CYBA: variants seen among roughly 807,000 people sequenced by gnomAD.
CYBA encodes cytochrome b-245 light chain.
Under a neutral mutation model 20.8 loss-of-function variants are expected in CYBA, and 21 were observed. The ratio of observed to expected loss-of-function variants is 1.01; its 90% CI spans 0.72 to 1.46. The LOEUF is 1.46. Among genes scored for constraint, CYBA ranks in the 40% most tolerant of loss-of-function variants. The pLI is 0.00. For synonymous variants in CYBA, 164 were observed against 127.5 expected (o/e 1.29, Z -1.93); for missense variants, 344 against 287.0 (o/e 1.20, Z -1.43).
rs553031261 is a variant in CYBA at position 88,645,194 on chromosome 16, G to T, written c.369+922C>A. 4.3e-6 allele frequency: 3 copies of T among 702,250 alleles called. No homozygotes were observed. The African/African-American group carries it at 5.2e-5, about 12-fold the overall frequency. The allele number at this position is 702,250 out of a possible 1,614,324, so 43.5% of individuals were successfully genotyped here. The stretch of plus-strand genomic sequence containing the variant: ...GCTGTGCGTGGCAGCAGGGAGACGG[G>T]GGGGATGCGGGTGGCCCCCGGAAAA... On this transcript the variant is annotated intron_variant, in intron 5 of 5. Transcript: ENST00000261623.
intron 5 of CYBA, chr16:88,645,823 C>G (rs1907256141): frequency 7.2e-6 from 4 of 557,868 alleles, no homozygotes; most frequent in African/African-American, 5.6e-5. Flanking sequence ...CAGCACCTCC[C>G]TGAGCCTCCG....
At chr16:88,648,308 C>T (rs543852457) in intron 1 of CYBA, among the ~76,000 whole-genome samples, 194 bp from the exon 2 acceptor site, 6 of 152,326 alleles carry the variant, frequency 3.9e-5, no homozygotes, top group African/African-American at 9.6e-5. Flanking sequence ...CTGTGGCGCA[C>T]GGGCTGGCGG....
chr16:88,645,953 GCT>G (rs1907260961), intron 5 of CYBA, 161 bp downstream of exon 5: 1 of 634,452 alleles, frequency 1.6e-6, no homozygotes, highest in Non-Finnish European at 2.8e-6. Flanking sequence ...AGCAGCAACC[GCT>G]GCGTCCCCGC....
chr16:88,645,254 G>A (rs1433404405), intron 5 of CYBA: 2 of 702,334 alleles, frequency 2.8e-6, no homozygotes, highest in Non-Finnish European at 5.2e-6. Flanking sequence ...TTGGCAACAG[G>A]AAGGGGTTCT....
Position 88,646,820 on chromosome 16 carries a change from G to A in CYBA, c.222C>T (p.Thr74=), listed in dbSNP as rs775908190. Residue 74 remains threonine, a synonymous_variant, in exon 4 of 6, where the codon ACC becomes ACT. Transcript: ENST00000261623. ...TMERWGQKYM[T]AVVKLFGPFT... is the part of the protein sequence containing the mutation. ...AGGGCCCGAACAGCTTCACCACGGC[G>A]GTCATGTACTTCTGTCCCCTGGGGG... 9.9e-6 allele frequency: 16 copies of A among 1,613,738 alleles called. No homozygotes were observed. Among genetic ancestry groups the A allele is most frequent in the South Asian group, 6.6e-5 (6 of 91,084 alleles).
intron 1 of CYBA, among the ~76,000 whole-genome samples, chr16:88,649,077 ATG>A (rs879407686): frequency 0.11 from 17,245 of 151,372 alleles, 1,023 homozygotes; most frequent in South Asian, 0.16. Flanking sequence ...AGCTGGGACT[ATG>A]CGCGCCTGCC....
chr16:88,649,489 C>A (rs931581680), intron 1 of CYBA, among the ~76,000 whole-genome samples: 1 of 152,220 alleles, frequency 6.6e-6, no homozygotes, highest in Non-Finnish European at 1.5e-5. Flanking sequence ...TGGCACCCAG[C>A]CACATTTACA....
At position 88,643,318 on chromosome 16, in the gene CYBA, G is replaced by A. The variant is rs1263969305; in HGVS notation, c.*35C>T. The A allele has an allele frequency of 1.4e-6, 2 of 1,418,506 alleles. No individual in the cohort carries two copies. The highest frequency in any genetic ancestry group is 4.8e-5 in the Admixed American group (2 of 41,440). The allele number at this position is 1,418,506 out of a possible 1,614,324, so 87.9% of individuals were successfully genotyped here. A position where few individuals can be genotyped will look rare whatever the true frequency, so the allele number is the denominator to read the frequency against. The stretch of plus-strand genomic sequence containing the variant: ...GGCTTCGCTGCATTTATTGCAGGTG[G>A]GTGCACCTGGCGGGAGGGCAGGTCC... On this transcript the variant is annotated 3_prime_UTR_variant, in exon 6 of 6. Transcript: ENST00000261623. The surrounding 1 kb of genome is among the most constrained non-coding windows in gnomAD (Gnocchi z 4.3).
rs1907510748 is a variant in CYBA, at chr16:88,651,026, C to T, written c.-13G>A. On this transcript the variant is annotated 5_prime_UTR_variant, in exon 1 of 6. Coordinates refer to ENST00000261623, the MANE Select transcript of CYBA (RefSeq NM_000101.4). ...CGATCTGCCCCATGGCGACACGAAC[C>T]CGGCTGGGACACTGCTAGGCGCGCA... The T allele has an allele frequency of 1.9e-6, 3 of 1,590,420 alleles. No homozygotes were observed. Among genetic ancestry groups the T allele is most frequent in the South Asian group, 1.1e-5 (1 of 88,340 alleles).
At position 88,643,802 on chromosome 16, in the gene CYBA, C is replaced by A. The variant is rs1907179335; in HGVS notation, c.370-231G>T. Among the ~76,000 whole-genome samples the A allele has an allele frequency of 6.6e-6, 1 of 152,234 alleles. No homozygotes were observed. Among genetic ancestry groups the A allele is most frequent in the Admixed American group, 6.5e-5 (1 of 15,288 alleles). The stretch of plus-strand genomic sequence containing the variant: ...CTATTTCTTCATGCCAGGAGTGGGG[C>A]CCGAACCCCTGGGCTTCTGGAAGAT... On this transcript the variant is annotated intron_variant, in intron 5 of 5. Coordinates refer to ENST00000261623, the MANE Select transcript of CYBA (RefSeq NM_000101.4). The surrounding 1 kb of genome is among the most constrained non-coding windows in gnomAD (Gnocchi z 4.3).
Position 88,643,565 on chromosome 16 carries a change from C to T in CYBA, c.376G>A (p.Val126Met), listed in dbSNP as rs1162900726. ...IASGIYLLAAVRGEQWTPIEP... is the reference protein window; with the variant it reads ...IASGIYLLAAMRGEQWTPIEP... ...ATGGGCGTCCACTGCTCGCCACGCA[C>T]AGCCGCCTGCGGGGCACTGAAGGGT... Residue 126 changes from valine to methionine, a missense_variant, in exon 6 of 6, where the codon GTG (valine) becomes ATG (methionine). Physicochemically the swap from Val to Met is conservative, Grantham distance 21 (BLOSUM62 1). Coordinates refer to ENST00000261623, the MANE Select transcript of CYBA (RefSeq NM_000101.4). This position sits in a 1 kb window ranked among gnomAD's most constrained non-coding sequence, Gnocchi z 4.3. The T allele has an allele frequency of 1.3e-6, 2 of 1,532,936 alleles. No individual in the cohort carries two copies. Among genetic ancestry groups the T allele is most frequent in the East Asian group, 4.9e-5 (2 of 40,840 alleles). The allele number at this position is 1,532,936 out of a possible 1,614,324, so 95.0% of individuals were successfully genotyped here.
At chr16:88,648,179 C>T in intron 1 of CYBA, 65 bp from the exon 2 acceptor site, 2 of 1,498,626 alleles carry the variant, frequency 1.3e-6, no homozygotes, top group Non-Finnish European at 1.8e-6. Context: ...CACCCCCCTT[C>T]TCTACCTACT....
At chr16:88,650,118 G>A in intron 1 of CYBA, 1 of 321,880 alleles carries the variant, frequency 3.1e-6, no homozygotes, top group East Asian at 8.2e-5. Context: ...CCCCAGGGGA[G>A]TGGTGGCAGC....
chr16:88,643,607 GCCCGCCCT>G lies in CYBA; in HGVS notation c.370-44_370-37del. On this transcript the variant is annotated intron_variant, in intron 5 of 5. Coordinates refer to ENST00000261623, the MANE Select transcript of CYBA (RefSeq NM_000101.4). This position sits in a 1 kb window ranked among gnomAD's most constrained non-coding sequence, Gnocchi z 4.3. ...CTGAAGGGTTGAGCCGCGCCCCAGC[GCCCGCCCT>G]CCCTCCCTCCCTCCCTCCCCGGAGG... is the stretch of plus-strand genomic sequence containing the variant. 1.3e-6 allele frequency: 2 copies of G among 1,509,624 alleles called. No individual in the cohort carries two copies. Among genetic ancestry groups the G allele is most frequent in the Admixed American group, 4.0e-5 (2 of 50,274 alleles). 93.5% of individuals were successfully genotyped at this position (1,509,624 alleles called of 1,614,324 possible).
intron 2 of CYBA, chr16:88,647,589 C>A (rs1489518138): frequency 8.2e-6 from 3 of 363,740 alleles, no homozygotes; most frequent in Non-Finnish European, 1.1e-5. Flanking sequence ...GAGGCAGCCA[C>A]GGGAGGTTCC....
intron 5 of CYBA, among the ~76,000 whole-genome samples, chr16:88,644,047 G>C (rs1346936944): frequency 6.6e-6 from 1 of 152,224 alleles, no homozygotes; most frequent in African/African-American, 2.4e-5. Context: ...GGTGGGGGGA[G>C]AGCTTGAAGA....
At chr16:88,646,497 AC>A in intron 4 of CYBA, 2 of 697,548 alleles carry the variant, frequency 2.9e-6, no homozygotes, top group African/African-American at 3.5e-5. Flanking sequence ...CCCAGGCAAG[AC>A]CCCCCAGCAG....
At chr16:88,650,900 G>A (rs1907501116) in intron 1 of CYBA, 56 bp downstream of exon 1, 3 of 1,533,784 alleles carry the variant, frequency 2.0e-6, no homozygotes, top group Non-Finnish European at 2.7e-6. Flanking sequence ...GTCCCGGCTG[G>A]GGTCTTGGGA....
At chr16:88,648,007 G>C (rs758938974) in intron 2 of CYBA, 38 bp downstream of exon 2, 13 of 1,588,606 alleles carry the variant, frequency 8.2e-6, no homozygotes, top group Non-Finnish European at 8.6e-7. Flanking sequence ...TCTGCCCTGG[G>C]CGTTCCCCGC....
Sources: allele counts gnomAD v4.1 joint callset (sites outside exome capture counted in the v4.1 genomes callset), GRCh38; gene constraint gnomAD v4.1.1; non-coding constraint Gnocchi (gnomAD v3.1); transcripts MANE v1.5; gene names NCBI Gene and HGNC (gene_info 2026-07-23, HGNC 2026-07-21).